The following ZBTB10 variants were observed in gnomAD, a reference collection of about 807,000 sequenced individuals.
The protein encoded by ZBTB10 is zinc finger and BTB domain-containing protein 10.
A neutral mutation model predicts 76.4 loss-of-function variants in ZBTB10; 32 were observed. That is an observed-to-expected ratio of 0.42 (90% confidence interval 0.32 to 0.56). The LOEUF (loss-of-function observed/expected upper bound fraction) is 0.56, where lower values mean the gene tolerates loss of function less well. Ranked by LOEUF, ZBTB10 falls within the 20% of genes least tolerant of loss-of-function variation. The pLI is 0.14. For missense variants in ZBTB10, 1,057 were observed against 1,098.5 expected (o/e 0.96, Z 0.53); for synonymous variants, 523 against 432.9 (o/e 1.21, Z -2.58).
Position 80,487,609 on chromosome 8 carries a change from A to G in ZBTB10, c.799A>G (p.Thr267Ala). The G allele has an allele frequency of 1.9e-6, 3 of 1,613,884 alleles. No homozygotes were observed. Among genetic ancestry groups the G allele is most frequent in the Non-Finnish European group, 2.5e-6 (3 of 1,179,846 alleles). ...DFPWLRYSKD[T>A]GLMSCGWCQK... ...TCCCTGGCTGCGCTATTCCAAGGAT[A>G]CTGGTCTTATGTCTTGCGGCTGGTG... The change falls in exon 1 of 6, where the codon ACT (threonine) becomes GCT (alanine). Residue 267 changes from threonine to alanine, a missense_variant. Physicochemically the swap from Thr to Ala is moderately conservative, Grantham distance 58 (BLOSUM62 0). This residue lies in a region of ZBTB10 where 556 missense variants were observed against 451.7 expected (regional missense o/e 1.23). Transcript: ENST00000455036.
At chr8:80,493,203 GCGCGCACACACACACACACA>G (rs1431091927) in intron 1 of ZBTB10, among the ~76,000 whole-genome samples, 4 of 107,824 alleles carry the variant, frequency 3.7e-5, no homozygotes, top group Non-Finnish European at 7.8e-5. Context: ...ACGCGCGCGC[GCGCGCACACACACACACACA>G]CACACACACA....
intron 2 of ZBTB10, among the ~76,000 whole-genome samples, chr8:80,508,678 A>G (rs891005514): frequency 6.6e-6 from 1 of 152,154 alleles, no homozygotes; most frequent in Non-Finnish European, 1.5e-5. Context: ...GGAGTTTGCT[A>G]GGAGGGGAAG....
chr8:80,493,207 G>GCGCGTGCGCGCACACA (rs375071529), intron 1 of ZBTB10, among the ~76,000 whole-genome samples: 1 of 125,244 alleles, frequency 8.0e-6, no homozygotes, highest in Admixed American at 7.8e-5. Context: ...GCGCGCGCGC[G>GCGCGTGCGCGCACACA]CACACACACA....
At position 80,520,252 on chromosome 8, in the gene ZBTB10, G is replaced by C. The variant is rs1816421648; in HGVS notation, c.*724G>C. ...CACAAATGAAGAATGATGTTATGAA[G>C]TTACCGTGGCGAAGTTGACAAATAC... is the stretch of plus-strand genomic sequence containing the variant. On this transcript the variant is annotated 3_prime_UTR_variant, in exon 6 of 6. Transcript: ENST00000455036. 1 of 152,564 alleles carries C rather than the reference G, an allele frequency of 6.6e-6. No homozygotes were observed. The highest frequency in any genetic ancestry group is 2.4e-5 in the African/African-American group (1 of 41,542). 9.5% of individuals were successfully genotyped at this position (152,564 alleles called of 1,614,324 possible).
upstream of ZBTB10, chr8:80,485,988 C>T: frequency 1.7e-6 from 2 of 1,175,490 alleles, no homozygotes; most frequent in African/African-American, 1.6e-5. Flanking sequence ...TCCCTGAGAC[C>T]CCCAGCCCGC....
At chr8:80,492,728 C>T (rs542790686) in intron 1 of ZBTB10, among the ~76,000 whole-genome samples, 2 of 152,076 alleles carry the variant, frequency 1.3e-5, no homozygotes, top group East Asian at 2.0e-4. Flanking sequence ...CTGCCCACCT[C>T]GGCCTCCGAG....
At chr8:80,495,107 G>A (rs774910339) in intron 1 of ZBTB10, among the ~76,000 whole-genome samples, 3 of 151,342 alleles carry the variant, frequency 2.0e-5, no homozygotes, top group African/African-American at 4.8e-5. Context: ...TATTTGGGAG[G>A]GAGAAGGGGA....
At chr8:80,490,419 T>G (rs1374471995) in intron 1 of ZBTB10, among the ~76,000 whole-genome samples, 3 of 152,096 alleles carry the variant, frequency 2.0e-5, no homozygotes, top group African/African-American at 7.2e-5. Flanking sequence ...AGTTTTTTGT[T>G]GAAACGGGAG....
chr8:80,517,861 C>T (rs77694976), intron 3 of ZBTB10, among the ~76,000 whole-genome samples: 7,433 of 142,906 alleles, frequency 0.052, 280 homozygotes, highest in South Asian at 0.13. Context: ...TTTTTTCTCC[C>T]GCCCGCCACC....
chr8:80,494,922 CA>C (rs35629668), intron 1 of ZBTB10, among the ~76,000 whole-genome samples: 3,346 of 105,150 alleles, frequency 0.032, 32 homozygotes, highest in Non-Finnish European at 0.042. Context: ...GACACTGTCT[CA>C]AAAAAAAAAA....
chr8:80,489,493 A>G (rs1273757600), intron 1 of ZBTB10, among the ~76,000 whole-genome samples: 1 of 152,234 alleles, frequency 6.6e-6, no homozygotes, highest in Non-Finnish European at 1.5e-5. Context: ...CTGTGGACCA[A>G]TTCCTCTTTA....
At chr8:80,517,459 G>A (rs749377718) in intron 3 of ZBTB10, among the ~76,000 whole-genome samples, 1 of 152,164 alleles carries the variant, frequency 6.6e-6, no homozygotes, top group Non-Finnish European at 1.5e-5. Context: ...TTAGGCACAT[G>A]TATTATTCTA....
rs1446113226 is a variant in ZBTB10, at chr8:80,487,542, G to A, written c.732G>A (p.Gln244=). 9 of 1,594,142 alleles carry A rather than the reference G, an allele frequency of 5.6e-6. No individual in the cohort carries two copies. In the African/African-American group the frequency reaches 9.4e-5, roughly 17 times the overall value. ...FPLARPKSLM[Q]KLQCSFQTSW... is the part of the protein sequence containing the mutation. ...TCGCGCGGCCCAAGTCTCTAATGCA[G>A]AAGCTCCAATGCTCCTTCCAGACCT... The change falls in exon 1 of 6, where the codon CAG becomes CAA. Residue 244 remains glutamine, a synonymous_variant. Transcript: ENST00000455036.
chr8:80,499,394 G>A (rs1246409771), intron 1 of ZBTB10, 100 bp from the exon 2 acceptor site: 47 of 1,252,378 alleles, frequency 3.8e-5, no homozygotes, highest in Non-Finnish European at 4.8e-5. Context: ...TAATATATTT[G>A]ATTATCGCTT....
chr8:80,518,410 A>G lies in ZBTB10; in HGVS notation c.1968A>G (p.Ser656=). ...TSQDGGDAGT[S]HDFKYGLMPG... ...AATTTTTACTTGTACTAGGTACTTC[A>G]CATGATTTCAAGTATGGTTTGATGC... Residue 656 remains serine (S), a synonymous_variant, in exon 4 of 6, where the codon TCA becomes TCG. Coordinates refer to ENST00000455036, the MANE Select transcript of ZBTB10 (RefSeq NM_001105539.3). The G allele has an allele frequency of 6.4e-7, 1 of 1,550,450 alleles. No homozygotes were observed. The highest frequency in any genetic ancestry group is 1.2e-5 in the South Asian group (1 of 83,832).
At chr8:80,505,146 GAAGTT>G (rs2131498628) in intron 2 of ZBTB10, among the ~76,000 whole-genome samples, 1 of 152,304 alleles carries the variant, frequency 6.6e-6, no homozygotes, top group East Asian at 1.9e-4. Flanking sequence ...AATTGGCAAA[GAAGTT>G]AAGAGTGCTC....
upstream of ZBTB10, chr8:80,485,899 G>T: frequency 6.5e-7 from 1 of 1,534,588 alleles, no homozygotes; most frequent in South Asian, 1.2e-5. Flanking sequence ...TGTGGGCAGC[G>T]GGGAGGCGGC....
chr8:80,494,971 A>G (rs1815743911), intron 1 of ZBTB10, among the ~76,000 whole-genome samples: 2 of 151,414 alleles, frequency 1.3e-5, no homozygotes, highest in South Asian at 2.1e-4. Flanking sequence ...TGATCACAGT[A>G]TCTGCAGTCT....
rs762731530 is a variant in ZBTB10, at chr8:80,487,483, G to A, written c.673G>A (p.Ala225Thr). The A allele has an allele frequency of 6.4e-7, 1 of 1,552,778 alleles. No individual in the cohort carries two copies. Among genetic ancestry groups the A allele is most frequent in the Non-Finnish European group, 8.7e-7 (1 of 1,147,608 alleles). The change falls in exon 1 of 6, where the codon GCT becomes ACT. Residue 225 changes from alanine to threonine, a missense_variant. Physicochemically the swap from Ala to Thr is moderately conservative, Grantham distance 58 (BLOSUM62 0). This residue lies in a region of ZBTB10 where 556 missense variants were observed against 451.7 expected (regional missense o/e 1.23). Transcript: ENST00000455036. ...CGAAGTGGAGGGCAGCGGTGTGGGA[G>A]CTGGCGAAGGAGAGACTGTCCAGCA... ...GDEVEGSGVGAGEGETVQHFP... is the reference protein window; with the variant it reads ...GDEVEGSGVGTGEGETVQHFP...
Sources: allele counts gnomAD v4.1 joint callset (sites outside exome capture counted in the v4.1 genomes callset), GRCh38; gene constraint gnomAD v4.1.1; regional missense constraint gnomAD v4.1.1; transcripts MANE v1.5; gene names NCBI Gene and HGNC (gene_info 2026-07-23, HGNC 2026-07-21).